NRXN3: variants seen among roughly 807,000 people sequenced by gnomAD.
NRXN3 encodes the protein neurexin III.
Under a neutral mutation model 137.6 loss-of-function variants are expected in NRXN3, and 32 were observed. The observed-to-expected ratio is 0.23, with a 90% CI of 0.18 to 0.31. The LOEUF is 0.31. NRXN3 is among the 10% of genes least tolerant of loss of function. The pLI, the probability that NRXN3 is intolerant of heterozygous loss-of-function variation, is 1.00. For synonymous variants in NRXN3, 798 were observed against 784.5 expected (o/e 1.02, Z -0.29); for missense variants, 1,574 against 2,062.5 (o/e 0.76, Z 4.59).
chr14:79,686,034 C>T (rs534571985), intron 17 of NRXN3, among the ~76,000 whole-genome samples: 66 of 152,174 alleles, frequency 4.3e-4, no homozygotes, highest in South Asian at 1.5e-3. Flanking sequence ...TGGCTCTTGC[C>T]TGTAATCCCA....
chr14:79,032,515 C>T (rs1295860480), intron 15 of NRXN3, among the ~76,000 whole-genome samples: 2 of 152,270 alleles, frequency 1.3e-5, no homozygotes, highest in South Asian at 2.1e-4. Context: ...AGCATACTCT[C>T]ACCTGAGCCT....
At chr14:79,459,482 G>A (rs1248131536) in intron 15 of NRXN3, among the ~76,000 whole-genome samples, 1 of 152,118 alleles carries the variant, frequency 6.6e-6, no homozygotes, top group East Asian at 1.9e-4. Context: ...ACAGGGAGAA[G>A]ATGATTGTCT....
At chr14:78,773,650 C>T (rs546626420) in intron 8 of NRXN3, among the ~76,000 whole-genome samples, 1 of 152,206 alleles carries the variant, frequency 6.6e-6, no homozygotes, top group East Asian at 1.9e-4. Context: ...AGCTCATATG[C>T]TGCTGCTAGG....
Position 78,524,495 on chromosome 14 carries a change from A to G in NRXN3, c.758-120625A>G, listed in dbSNP as rs113691214. Among the ~76,000 whole-genome samples the G allele has an allele frequency of 2.0e-4, 31 of 152,322 alleles. 1 individual carries two copies. The highest frequency in any genetic ancestry group is 6.7e-4 in the African/African-American group (28 of 41,574). On this transcript the variant is annotated intron_variant, in intron 4 of 20. Coordinates refer to ENST00000335750, the MANE Select transcript of NRXN3 (RefSeq NM_001330195.2). ...GGCAGAATGCCTGGAGGGTTTATTA[A>G]AAACACTGATTCCTAAGCTCCACCT...
intron 2 of NRXN3, among the ~76,000 whole-genome samples, chr14:78,267,836 G>A (rs566104465): frequency 3.3e-5 from 5 of 152,218 alleles, no homozygotes; most frequent in African/African-American, 4.8e-5. Flanking sequence ...TGTTTACATC[G>A]TCTCTTGGTT....
chr14:78,920,056 T>G (rs2099266908), intron 10 of NRXN3, among the ~76,000 whole-genome samples: 1 of 152,328 alleles, frequency 6.6e-6, no homozygotes, highest in East Asian at 1.9e-4. Context: ...GCTAATGATC[T>G]TCTGTGGCAA....
chr14:79,083,610 C>T (rs369542562), intron 15 of NRXN3, among the ~76,000 whole-genome samples: 18 of 152,318 alleles, frequency 1.2e-4, no homozygotes, highest in Middle Eastern at 3.4e-3. Flanking sequence ...AAAATGGTTT[C>T]GCTGTTATCG....
intron 8 of NRXN3, among the ~76,000 whole-genome samples, chr14:78,718,747 A>G (rs1283695614): frequency 2.0e-5 from 3 of 152,232 alleles, no homozygotes; most frequent in African/African-American, 7.2e-5. Context: ...TCTAAGATGT[A>G]GCTGTCTCTA....
rs1435679746 is a variant in NRXN3 at position 78,803,673 on chromosome 14, A to C, written c.2098A>C (p.Met700Leu). The change falls in exon 9 of 21, where the codon ATG becomes CTG. Residue 700 changes from methionine to leucine, a missense_variant. Physicochemically the swap from Met to Leu is conservative, Grantham distance 15. This residue lies in a region of NRXN3 where 718 missense variants were observed against 887.6 expected (regional missense o/e 0.81). Transcript: ENST00000335750. ...GSMYMKIIMP[M>L]VMHTEAEDVS... Reference sequence around the variant, plus strand: ...CATGTACATGAAGATCATCATGCCCATGGTCATGCATACTGAGGCAGAGGA... The same window carrying C: ...CATGTACATGAAGATCATCATGCCCCTGGTCATGCATACTGAGGCAGAGGA... 6.2e-7 allele frequency: 1 copy of C among 1,614,172 alleles called. No individual in the cohort carries two copies.
At position 79,842,708 on chromosome 14, in the gene NRXN3, T is replaced by C. The variant is rs1568425758; in HGVS notation, c.4094-18634T>C. ...GTCACCATAGAGAAACAAATTAACATATCTATCATCTCACATAGTTATACA... is the reference window on the plus strand; with the variant it reads ...GTCACCATAGAGAAACAAATTAACACATCTATCATCTCACATAGTTATACA... On this transcript the variant is annotated intron_variant, in intron 20 of 20. Coordinates refer to ENST00000335750, the MANE Select transcript of NRXN3 (RefSeq NM_001330195.2). 2.6e-5 allele frequency among the ~76,000 whole-genome samples: 4 copies of C among 152,204 alleles called. No individual in the cohort carries two copies. The South Asian group carries it at 8.3e-4, about 31-fold the overall frequency.
intron 4 of NRXN3, among the ~76,000 whole-genome samples, chr14:78,503,591 G>T (rs1478785317): frequency 2.0e-5 from 3 of 152,120 alleles, no homozygotes; most frequent in Non-Finnish European, 4.4e-5. Context: ...AAGCTTTGAG[G>T]TATGTGTAGG....
chr14:78,438,992 G>T (rs1041354529), intron 4 of NRXN3, among the ~76,000 whole-genome samples: 1 of 152,038 alleles, frequency 6.6e-6, no homozygotes, highest in African/African-American at 2.4e-5. Context: ...AATGAGAGTC[G>T]CAAGTGGAGG....
intron 15 of NRXN3, among the ~76,000 whole-genome samples, chr14:79,160,714 A>G (rs1468462830): frequency 6.6e-6 from 1 of 151,836 alleles, no homozygotes; most frequent in African/African-American, 2.4e-5. Flanking sequence ...TTTTAACCTG[A>G]AAAATAGGAT....
intron 15 of NRXN3, among the ~76,000 whole-genome samples, chr14:79,330,421 C>T (rs1023029103): frequency 1.3e-5 from 2 of 152,082 alleles, no homozygotes; most frequent in Admixed American, 6.6e-5. Flanking sequence ...AAATGGATAG[C>T]CATTCATTCC....
At chr14:79,279,318 T>G (rs1334244803) in intron 15 of NRXN3, 3 of 981,806 alleles carry the variant, frequency 3.1e-6, no homozygotes, top group Middle Eastern at 5.2e-4. Flanking sequence ...ACTGATTTGC[T>G]CTCGGGAGTG....
intron 16 of NRXN3, among the ~76,000 whole-genome samples, chr14:79,571,296 C>T (rs188603623): frequency 7.9e-5 from 12 of 152,224 alleles, no homozygotes; most frequent in South Asian, 2.1e-4. Context: ...AACAAAATTC[C>T]GTTTTACTTA....
chr14:78,816,502 C>T (rs1028934418), intron 10 of NRXN3, among the ~76,000 whole-genome samples: 18 of 151,940 alleles, frequency 1.2e-4, no homozygotes, highest in African/African-American at 1.7e-4. Context: ...TATTTTATTC[C>T]GTCTAATAGC....
chr14:78,763,035 G>A (rs962221549), intron 8 of NRXN3, among the ~76,000 whole-genome samples: 1 of 152,202 alleles, frequency 6.6e-6, no homozygotes, highest in Non-Finnish European at 1.5e-5. Context: ...AATGGCGGGA[G>A]TGCTGGTATG....
At chr14:78,950,808 G>A (rs1038052297) in intron 10 of NRXN3, among the ~76,000 whole-genome samples, 11 of 152,130 alleles carry the variant, frequency 7.2e-5, no homozygotes, top group African/African-American at 1.2e-4. Context: ...TGATTCATAC[G>A]TCTCAGCAGC....
Sources: allele counts gnomAD v4.1 joint callset (sites outside exome capture counted in the v4.1 genomes callset), GRCh38; gene constraint gnomAD v4.1.1; regional missense constraint gnomAD v4.1.1; transcripts MANE v1.5; gene names NCBI Gene and HGNC (gene_info 2026-07-23, HGNC 2026-07-21).